Variants in KIAA0319L observed in about 807,000 individuals in gnomAD.
The protein encoded by KIAA0319L is dyslexia-associated protein KIAA0319-like protein.
Under a neutral mutation model 120.1 loss-of-function variants are expected in KIAA0319L, and 55 were observed. The ratio of observed to expected loss-of-function variants is 0.46; its 90% CI spans 0.37 to 0.57. KIAA0319L has a LOEUF of 0.57. KIAA0319L is among the 20% of genes least tolerant of loss of function. KIAA0319L has a pLI of 0.00. For missense variants in KIAA0319L, 1,049 were observed against 1,255.3 expected (o/e 0.84, Z 2.48); for synonymous variants, 398 against 471.9 (o/e 0.84, Z 2.03).
At chr1:35,538,774 T>C (rs1264220655) in intron 2 of KIAA0319L, among the ~76,000 whole-genome samples, 1 of 152,076 alleles carries the variant, frequency 6.6e-6, no homozygotes, top group Non-Finnish European at 1.5e-5. Flanking sequence ...ATGGCAATCA[T>C]GTGGCTTTTA....
At chr1:35,531,854 A>G (rs995591772) in intron 2 of KIAA0319L, among the ~76,000 whole-genome samples, 2 of 152,162 alleles carry the variant, frequency 1.3e-5, no homozygotes, top group African/African-American at 2.4e-5. Context: ...GACTACAAGT[A>G]AAAAATGTGA....
At chr1:35,459,237 TA>T (rs1443845751) in intron 9 of KIAA0319L, among the ~76,000 whole-genome samples, 1 of 151,878 alleles carries the variant, frequency 6.6e-6, no homozygotes, top group Non-Finnish European at 1.5e-5. Flanking sequence ...AGAAGGGAAT[TA>T]AAGGAAGTAT....
At chr1:35,472,943 C>CACG (rs1039420268) in intron 5 of KIAA0319L, among the ~76,000 whole-genome samples, 13 of 151,440 alleles carry the variant, frequency 8.6e-5, no homozygotes, top group Admixed American at 1.3e-4. Context: ...CGCCCACCAT[C>CACG]ACGCCTGGCT....
intron 3 of KIAA0319L, 119 bp from the exon 4 acceptor site, chr1:35,479,331 T>A: frequency 1.3e-6 from 1 of 761,392 alleles, no homozygotes; most frequent in Non-Finnish European, 2.1e-6. Context: ...ATCAAAAATA[T>A]TAAAGAAACT....
chr1:35,459,617 T>C lies in KIAA0319L; in HGVS notation c.1427+688A>G, dbSNP rs536294352. ...GTCTCAAAAAAAAAAAAAGAAAATGTGCATTTAAGTTCCAGCTGTGAGACT... is the reference window on the plus strand; with the variant it reads ...GTCTCAAAAAAAAAAAAAGAAAATGCGCATTTAAGTTCCAGCTGTGAGACT... On this transcript the variant is annotated intron_variant, in intron 9 of 20. Coordinates refer to ENST00000325722, the MANE Select transcript of KIAA0319L (RefSeq NM_024874.5). 3.8e-4 allele frequency among the ~76,000 whole-genome samples: 58 copies of C among 151,344 alleles called. 1 individual carries two copies. Among genetic ancestry groups the C allele is most frequent in the African/African-American group, 1.4e-3 (58 of 41,292 alleles).
chr1:35,535,615 G>A (rs574076165), intron 2 of KIAA0319L, among the ~76,000 whole-genome samples: 4 of 152,130 alleles, frequency 2.6e-5, no homozygotes, highest in Admixed American at 6.5e-5. Context: ...TATATGCAAA[G>A]TACTTAACAT....
intron 4 of KIAA0319L, 66 bp downstream of exon 4, chr1:35,478,900 T>C (rs1644022512): frequency 1.3e-6 from 2 of 1,556,236 alleles, no homozygotes; most frequent in Non-Finnish European, 1.8e-6. Flanking sequence ...TTCTTTCCTC[T>C]AAAAGGGAAT....
chr1:35,434,671 G>C lies in KIAA0319L; in HGVS notation c.*223C>G. On this transcript the variant is annotated 3_prime_UTR_variant, in exon 21 of 21. Transcript: ENST00000325722. ...AGGAGGCCCTGAGGTGAGGATATCT[G>C]GGGGCCCACCAGACAGGTTTAAAGA... 1.9e-6 allele frequency: 1 copy of C among 521,250 alleles called. No homozygotes were observed. The highest frequency in any genetic ancestry group is 3.4e-6 in the Non-Finnish European group (1 of 296,370). 32.3% of individuals were successfully genotyped at this position (521,250 alleles called of 1,614,324 possible).
intron 3 of KIAA0319L, among the ~76,000 whole-genome samples, chr1:35,503,750 T>C (rs2148393785): frequency 6.6e-6 from 1 of 152,322 alleles, no homozygotes; most frequent in East Asian, 1.9e-4. Flanking sequence ...GTGAATTTTC[T>C]CGTGCCTCTG....
intron 2 of KIAA0319L, among the ~76,000 whole-genome samples, chr1:35,550,909 C>T (rs375527239): frequency 1.3e-5 from 2 of 152,210 alleles, no homozygotes; most frequent in East Asian, 1.9e-4. Flanking sequence ...AGTATCCCAC[C>T]ATGTGGAGAT....
At chr1:35,541,937 C>T (rs1294646674) in intron 2 of KIAA0319L, among the ~76,000 whole-genome samples, 1 of 152,180 alleles carries the variant, frequency 6.6e-6, no homozygotes, top group African/African-American at 2.4e-5. Context: ...CAATACAATT[C>T]ATTCTGTCAT....
Position 35,466,637 on chromosome 1 carries a change from T to C in KIAA0319L, c.1172A>G (p.Glu391Gly). Residue 391 changes from glutamate to glycine, a missense_variant, in exon 7 of 21, where the codon GAA becomes GGA. Physicochemically the swap from Glu to Gly is moderately conservative, Grantham distance 98. Transcript: ENST00000325722. Reference protein sequence around the residue: ...VIVEGQNAHGEGYVNVTVKPE... With the variant: ...VIVEGQNAHGGGYVNVTVKPE... ...CTTGACTGTCACGTTCACATAGCCT[T>C]CCCCATGGGCATTTTGACCCTCTAC... The C allele has an allele frequency of 6.2e-7, 1 of 1,613,686 alleles. No homozygotes were observed. The highest frequency in any genetic ancestry group is 8.5e-7 in the Non-Finnish European group (1 of 1,179,686).
intron 2 of KIAA0319L, among the ~76,000 whole-genome samples, chr1:35,513,203 G>A (rs1332472145): frequency 6.9e-6 from 1 of 144,236 alleles, no homozygotes; most frequent in Non-Finnish European, 1.5e-5. Flanking sequence ...AAATTTAGAC[G>A]TTAACTTATA....
intron 19 of KIAA0319L, 58 bp from the exon 20 acceptor site, chr1:35,441,196 T>TG (rs1008414711): frequency 1.3e-6 from 2 of 1,505,008 alleles, no homozygotes; most frequent in African/African-American, 2.8e-5. Context: ...AGGATGAGGA[T>TG]GAGAGCCAGA....
chr1:35,526,214 C>T (rs1020791106), intron 2 of KIAA0319L, among the ~76,000 whole-genome samples: 7 of 150,404 alleles, frequency 4.7e-5, no homozygotes, highest in African/African-American at 1.7e-4. Flanking sequence ...TGTTTTTATA[C>T]CAATACCATG....
At chr1:35,531,099 GGCA>G (rs1646349580) in intron 2 of KIAA0319L, among the ~76,000 whole-genome samples, 1 of 152,170 alleles carries the variant, frequency 6.6e-6, no homozygotes, top group Admixed American at 6.5e-5. Context: ...TTCAGCTTCT[GGCA>G]GCAGCAGTGG....
chr1:35,487,257 C>CTT (rs879608734), intron 3 of KIAA0319L, among the ~76,000 whole-genome samples: 2 of 143,046 alleles, frequency 1.4e-5, no homozygotes, highest in Non-Finnish European at 1.5e-5. Context: ...GTTCTCACAA[C>CTT]TTTTTTTTTT....
chr1:35,478,285 G>C (rs1336599641), intron 4 of KIAA0319L, among the ~76,000 whole-genome samples: 5 of 149,324 alleles, frequency 3.3e-5, no homozygotes, highest in African/African-American at 1.2e-4. Context: ...GTAAGAGGGA[G>C]GGGGGGATGG....
rs552843997 is a variant in KIAA0319L, at chr1:35,463,280, C to G, written c.1202-567G>C. 9.9e-4 allele frequency among the ~76,000 whole-genome samples: 151 copies of G among 152,320 alleles called. 1 individual carries two copies. Among genetic ancestry groups the G allele is most frequent in the African/African-American group, 3.5e-3 (144 of 41,570 alleles). On this transcript the variant is annotated intron_variant, in intron 7 of 20. Transcript: ENST00000325722. ...AAGCCTCTTCCAAATCTGACCATTC[C>G]TAAGACCATGCCCTGTGTATTCTTT... is the stretch of plus-strand genomic sequence containing the variant.
Sources: allele counts gnomAD v4.1 joint callset (sites outside exome capture counted in the v4.1 genomes callset), GRCh38; gene constraint gnomAD v4.1.1; transcripts MANE v1.5; gene names NCBI Gene and HGNC (gene_info 2026-07-23, HGNC 2026-07-21).